MDN1: variants seen among roughly 807,000 people sequenced by gnomAD.
MDN1 encodes the protein midasin.
A neutral mutation model predicts 669.2 loss-of-function variants in MDN1; 266 were observed. The observed-to-expected ratio is 0.40, with a 90% CI of 0.36 to 0.44. MDN1 has a LOEUF of 0.44. MDN1 is among the 20% of genes least tolerant of loss of function. MDN1 has a pLI of 1.00. For missense variants in MDN1, 5,940 were observed against 6,754.0 expected, an observed-to-expected ratio of 0.88 and a Z score of 4.22; for synonymous variants, 2,385 against 2,457.1, an observed-to-expected ratio of 0.97 and a Z score of 0.87.
intron 64 of MDN1, 112 bp from the exon 65 acceptor site, chr6:89,690,255 T>A: frequency 9.3e-7 from 1 of 1,080,400 alleles, no homozygotes; most frequent in Non-Finnish European, 1.3e-6. Context: ...GAAATAGGAC[T>A]AATATATGTA....
At chr6:89,810,686 CTT>C (rs1463704753) in intron 1 of MDN1, among the ~76,000 whole-genome samples, 1 of 151,992 alleles carries the variant, frequency 6.6e-6, no homozygotes, top group Admixed American at 6.6e-5. Flanking sequence ...CCCTTTATGT[CTT>C]TCTCTCCTCA....
At chr6:89,762,259 T>C (rs1179577842) in intron 16 of MDN1, 60 bp downstream of exon 16, 1 of 1,379,888 alleles carries the variant, frequency 7.2e-7, no homozygotes, top group Admixed American at 2.1e-5. Context: ...CCAAAACTAA[T>C]ATGTTAACTA....
intron 1 of MDN1, among the ~76,000 whole-genome samples, chr6:89,816,519 G>A (rs929228902): frequency 3.3e-5 from 5 of 151,874 alleles, no homozygotes; most frequent in Admixed American, 6.6e-5. Flanking sequence ...GAGCCTAGGA[G>A]TTCTAGACCA....
chr6:89,819,530 C>A lies in MDN1; in HGVS notation c.78G>T (p.Glu26Asp). ...IAAKNEKSRSELGRFLAKQVW... is the reference protein window; with the variant it reads ...IAAKNEKSRSDLGRFLAKQVW... ...CCTGCTTGGCCAAGAACCTGCCCAA[C>A]TCACTGCGGCTCTTCTCGTTCTTGG... Residue 26 changes from glutamate to aspartate, a missense_variant, in exon 1 of 102, where the codon GAG (glutamate) becomes GAT (aspartate). By Grantham distance (45) the Glu-to-Asp change is conservative (BLOSUM62 2). Around this residue, in one of 5 missense-constraint regions of MDN1, gnomAD observed 1,203 missense variants for 1,268.9 expected, o/e 0.95. Coordinates refer to ENST00000369393, the MANE Select transcript of MDN1 (RefSeq NM_014611.3). The A allele has an allele frequency of 6.2e-7, 1 of 1,606,060 alleles. No individual in the cohort carries two copies. Among genetic ancestry groups the A allele is most frequent in the Non-Finnish European group, 8.5e-7 (1 of 1,179,980 alleles).
chr6:89,743,358 C>T (rs1268980430), intron 30 of MDN1, 78 bp from the exon 31 acceptor site: 3 of 1,565,656 alleles, frequency 1.9e-6, no homozygotes, highest in African/African-American at 1.4e-5. Flanking sequence ...CTGGTGTTTC[C>T]AGGGGTGAAG....
intron 40 of MDN1, among the ~76,000 whole-genome samples, chr6:89,720,646 C>G (rs1214058128): frequency 1.3e-5 from 2 of 152,164 alleles, no homozygotes; most frequent in Non-Finnish European, 2.9e-5. Flanking sequence ...CATTCAACAA[C>G]TGGCATGTGT....
chr6:89,656,029 A>G (rs1562040809), intron 91 of MDN1, 61 bp from the exon 92 acceptor site: 1 of 1,459,026 alleles, frequency 6.9e-7, no homozygotes, highest in African/African-American at 1.4e-5. Context: ...ACTCAAAGTA[A>G]ACATAATATC....
intron 1 of MDN1, among the ~76,000 whole-genome samples, chr6:89,817,198 A>G (rs552419981): frequency 3.3e-5 from 5 of 152,346 alleles, no homozygotes; most frequent in African/African-American, 1.2e-4. Context: ...ACCAAGCTGT[A>G]GCCCGACCAC....
Position 89,819,787 on chromosome 6 carries a change from A to G in MDN1, c.-180T>C, listed in dbSNP as rs376632613. 1.5e-5 allele frequency: 9 copies of G among 594,672 alleles called. No homozygotes were observed. The highest frequency in any genetic ancestry group is 1.3e-4 in the African/African-American group (7 of 53,506). The allele number at this position is 594,672 out of a possible 1,614,324, so 36.8% of individuals were successfully genotyped here. A position where few individuals can be genotyped will look rare whatever the true frequency, so the allele number is the denominator to read the frequency against. On this transcript the variant is annotated 5_prime_UTR_variant, in exon 1 of 102. Coordinates refer to ENST00000369393, the MANE Select transcript of MDN1 (RefSeq NM_014611.3). Reference sequence around the variant, plus strand: ...CACGTGGGTGAGCACACGGCGTTTGACGTCATCAGCTCGGGACGGCTACGC... The same window carrying G: ...CACGTGGGTGAGCACACGGCGTTTGGCGTCATCAGCTCGGGACGGCTACGC...
At chr6:89,757,598 G>A (rs774705481) in intron 19 of MDN1, among the ~76,000 whole-genome samples, 8 of 152,104 alleles carry the variant, frequency 5.3e-5, no homozygotes, top group East Asian at 1.9e-4. Flanking sequence ...TCTAAAGTCC[G>A]GTTACATTAA....
Position 89,695,245 on chromosome 6 carries a change from C to G in MDN1, c.9771+360G>C, listed in dbSNP as rs1394722359. Among the ~76,000 whole-genome samples, 1 of 152,102 alleles carries G rather than the reference C, an allele frequency of 6.6e-6. No homozygotes were observed. The highest frequency in any genetic ancestry group is 1.5e-5 in the Non-Finnish European group (1 of 68,006). On this transcript the variant is annotated intron_variant, in intron 61 of 101. Transcript: ENST00000369393. The surrounding 1 kb of genome is among the most constrained non-coding windows in gnomAD (Gnocchi z 4.1). Reference sequence around the variant, plus strand: ...AGGCTCCATCTCAAAAACAAACAAACAAACAAAAACCCAAATATCCAAAAC... The same window carrying G: ...AGGCTCCATCTCAAAAACAAACAAAGAAACAAAAACCCAAATATCCAAAAC...
In MDN1 at chr6:89,749,862, A is replaced by T. The variant is rs1274573155; in HGVS notation, c.3407-111T>A. ...TTATCATCAAATTTCAAAGCAAATTACTTTCTGTAGCTAGTCTTGCCTCAA... is the reference window on the plus strand; with the variant it reads ...TTATCATCAAATTTCAAAGCAAATTTCTTTCTGTAGCTAGTCTTGCCTCAA... On this transcript the variant is annotated intron_variant, in intron 24 of 101. Coordinates refer to ENST00000369393, the MANE Select transcript of MDN1 (RefSeq NM_014611.3). The T allele has an allele frequency of 4.5e-6, 4 of 879,492 alleles. No individual in the cohort carries two copies. In the Admixed American group the frequency reaches 9.9e-5, roughly 22 times the overall value. The allele number at this position is 879,492 out of a possible 1,614,324, so 54.5% of individuals were successfully genotyped here. A position where few individuals can be genotyped will look rare whatever the true frequency, so the allele number is the denominator to read the frequency against.
chr6:89,753,122 G>C (rs1530338), intron 22 of MDN1, among the ~76,000 whole-genome samples: 129,832 of 151,894 alleles, frequency 0.85, 55,657 homozygotes, highest in African/African-American at 0.91. Flanking sequence ...GACTCTATCT[G>C]CAAAAAAAAA....
Position 89,738,413 on chromosome 6 carries a change from G to T in MDN1, c.4636C>A (p.Pro1546Thr). Residue 1546 changes from proline to threonine, a missense_variant, in exon 33 of 102, where the codon CCT (proline) becomes ACT (threonine). Pro to Thr is a conservative substitution (Grantham distance 38, BLOSUM62 -1). Transcript: ENST00000369393. ...LRNRFTEIWC[P>T]QSTSREDLIQ... ...AAATCTTCACGGCTTGTGCTTTGAG[G>T]GCACCATATTTCTGTAAACCGGTTT... The T allele has an allele frequency of 1.9e-6, 3 of 1,614,034 alleles. No homozygotes were observed. Among genetic ancestry groups the T allele is most frequent in the Non-Finnish European group, 2.5e-6 (3 of 1,179,980 alleles).
At chr6:89,656,612 T>C in intron 91 of MDN1, 88 bp downstream of exon 91, 1 of 518,012 alleles carries the variant, frequency 1.9e-6, no homozygotes, top group Non-Finnish European at 2.8e-6. Context: ...GAGTATAGCT[T>C]TTTTTTTTTT....
intron 2 of MDN1, among the ~76,000 whole-genome samples, chr6:89,801,174 T>A (rs769557071): frequency 9.9e-5 from 15 of 152,160 alleles, no homozygotes; most frequent in Non-Finnish European, 1.8e-4. Context: ...GGCGGGCAGA[T>A]CACCCGAGGT....
At chr6:89,693,962 T>C (rs965096661) in intron 62 of MDN1, 112 bp downstream of exon 62, 30 of 814,460 alleles carry the variant, frequency 3.7e-5, no homozygotes, top group Admixed American at 6.4e-5. Context: ...TGGCATCTAA[T>C]TGCTAATGTA....
intron 13 of MDN1, 94 bp downstream of exon 13, chr6:89,774,527 A>G (rs1818255930): frequency 2.3e-6 from 2 of 870,196 alleles, no homozygotes; most frequent in Non-Finnish European, 3.9e-6. Context: ...CAGTTCAGAC[A>G]TGTGTTTTGC....
At chr6:89,784,930 TG>T in intron 9 of MDN1, 81 bp downstream of exon 9, 1 of 876,744 alleles carries the variant, frequency 1.1e-6, no homozygotes, top group Non-Finnish European at 1.8e-6. Flanking sequence ...ATGAGGGTTC[TG>T]GTGGTTTATT....
Sources: allele counts gnomAD v4.1 joint callset (sites outside exome capture counted in the v4.1 genomes callset), GRCh38; gene constraint gnomAD v4.1.1; regional missense constraint gnomAD v4.1.1; non-coding constraint Gnocchi (gnomAD v3.1); transcripts MANE v1.5; gene names NCBI Gene and HGNC (gene_info 2026-07-23, HGNC 2026-07-21).